SGCD: variants seen among roughly 807,000 people sequenced by gnomAD.
SGCD encodes the protein delta-sarcoglycan.
Under a neutral mutation model 36.6 loss-of-function variants are expected in SGCD, and 18 were observed. That is an observed-to-expected ratio of 0.49 (90% CI 0.34 to 0.73). The LOEUF (loss-of-function observed/expected upper bound fraction) is 0.73, where lower values mean the gene tolerates loss of function less well. SGCD is among the 30% of genes least tolerant of loss of function. The pLI, the probability that SGCD is intolerant of heterozygous loss-of-function variation, is 0.01. For synonymous variants in SGCD, 133 were observed against 130.6 expected (o/e 1.02, Z -0.12); for missense variants, 387 against 346.7 (o/e 1.12, Z -0.92).
At chr5:155,763,708 G>T in the SGCD span, among the ~76,000 whole-genome samples, 1 of 152,078 alleles carries the variant, frequency 6.6e-6, no homozygotes, top group Non-Finnish European at 1.5e-5. Flanking sequence ...GTTGATATTG[G>T]AATTTCTCCA....
the SGCD span, among the ~76,000 whole-genome samples, chr5:155,788,859 C>T: frequency 3.9e-5 from 6 of 151,972 alleles, no homozygotes; most frequent in African/African-American, 4.8e-5. Context: ...AGATCAAGAA[C>T]GATTTTAATG....
At chr5:156,116,108 C>T (rs931010160) in intron 1 of SGCD, among the ~76,000 whole-genome samples, 2 of 151,962 alleles carry the variant, frequency 1.3e-5, no homozygotes, top group African/African-American at 4.8e-5. Flanking sequence ...CAAATGGAAA[C>T]TTTTATCAGT....
intron 1 of SGCD, among the ~76,000 whole-genome samples, chr5:156,059,074 C>T (rs1346987610): frequency 6.9e-6 from 1 of 143,984 alleles, no homozygotes; most frequent in African/African-American, 2.5e-5. Context: ...TCATAATTTT[C>T]AAATTTCTAC....
the SGCD span, among the ~76,000 whole-genome samples, chr5:155,854,950 C>T: frequency 6.6e-6 from 1 of 152,066 alleles, no homozygotes. Context: ...AACGGCCTAC[C>T]CAAGTCAACT....
At chr5:155,799,138 A>G in the SGCD span, among the ~76,000 whole-genome samples, 134,174 of 152,182 alleles carry the variant, frequency 0.88, 59,236 homozygotes, top group East Asian at 0.99. Flanking sequence ...TTTTTCTTAC[A>G]TATTAAATAA....
intron 3 of SGCD, among the ~76,000 whole-genome samples, chr5:156,383,362 G>A (rs151208532): frequency 4.7e-4 from 72 of 152,142 alleles, no homozygotes; most frequent in African/African-American, 1.5e-3. Context: ...AAATTACCCG[G>A]GCGTGCAGCA....
At chr5:156,277,756 T>C (rs376820230) in intron 3 of SGCD, among the ~76,000 whole-genome samples, 2 of 152,222 alleles carry the variant, frequency 1.3e-5, no homozygotes, top group African/African-American at 4.8e-5. Context: ...CAAACTAGCC[T>C]TTCCCGTTAT....
At chr5:156,615,632 T>G (rs1761990710) in intron 6 of SGCD, among the ~76,000 whole-genome samples, 1 of 152,186 alleles carries the variant, frequency 6.6e-6, no homozygotes, top group South Asian at 2.1e-4. Context: ...TCATATGTAT[T>G]GTATATGATA....
chr5:156,576,730 A>G (rs77615130), intron 4 of SGCD, among the ~76,000 whole-genome samples: 1 of 152,126 alleles, frequency 6.6e-6, no homozygotes, highest in Non-Finnish European at 1.5e-5. Flanking sequence ...CTTCTTTTGA[A>G]AAGTGTCTGT....
chr5:156,648,022 G>A (rs374273308), intron 7 of SGCD, among the ~76,000 whole-genome samples: 2 of 152,228 alleles, frequency 1.3e-5, no homozygotes, highest in East Asian at 1.9e-4. Flanking sequence ...TAAATGTGCT[G>A]CCTTAGCAGA....
chr5:156,152,843 A>G (rs1397840456), intron 3 of SGCD, among the ~76,000 whole-genome samples: 1 of 151,562 alleles, frequency 6.6e-6, no homozygotes, highest in Non-Finnish European at 1.5e-5. Context: ...TTGACCAATC[A>G]ATCAATATGT....
intron 1 of SGCD, among the ~76,000 whole-genome samples, chr5:156,032,706 CAAAAAAAAAAAA>C (rs1171072619): frequency 0.056 from 846 of 15,064 alleles, 28 homozygotes; most frequent in African/African-American, 0.12. Flanking sequence ...GACTCCGTCT[CAAAAAAAAAAAA>C]AAAAAAAAAA....
At chr5:155,921,962 C>T (rs1017431882) in intron 1 of SGCD, among the ~76,000 whole-genome samples, 2 of 152,190 alleles carry the variant, frequency 1.3e-5, no homozygotes, top group Admixed American at 6.5e-5. Context: ...ACTAGAGACA[C>T]GTACTCTGGA....
intron 1 of SGCD, among the ~76,000 whole-genome samples, chr5:155,882,249 A>T (rs540141343): frequency 3.6e-4 from 55 of 150,780 alleles, no homozygotes; most frequent in African/African-American, 6.2e-4. Context: ...CTTTTTTTTA[A>T]AAAACTTTTT....
chr5:156,560,323 GC>G (rs1266290949), intron 4 of SGCD, among the ~76,000 whole-genome samples: 1 of 152,170 alleles, frequency 6.6e-6, no homozygotes, highest in African/African-American at 2.4e-5. Flanking sequence ...CCCCTTGAAA[GC>G]AGAAAAGCCC....
chr5:156,625,880 A>G (rs765737852), intron 6 of SGCD, among the ~76,000 whole-genome samples: 1 of 152,128 alleles, frequency 6.6e-6, no homozygotes, highest in East Asian at 1.9e-4. Context: ...AATTCTGAGG[A>G]TGGGGTTAGT....
intron 3 of SGCD, among the ~76,000 whole-genome samples, chr5:156,409,431 C>T (rs572553760): frequency 7.2e-5 from 11 of 152,332 alleles, no homozygotes; most frequent in East Asian, 3.9e-4. Context: ...AGATCGCCCA[C>T]GCATCAGACC....
At chr5:156,376,627 G>A (rs1051297556) in intron 3 of SGCD, among the ~76,000 whole-genome samples, 3 of 152,114 alleles carry the variant, frequency 2.0e-5, no homozygotes, top group Non-Finnish European at 4.4e-5. Flanking sequence ...GATCAGAGTA[G>A]AATAAAATGG....
At chr5:156,124,822 G>T (rs1296091879) in intron 3 of SGCD, among the ~76,000 whole-genome samples, 1 of 151,992 alleles carries the variant, frequency 6.6e-6, no homozygotes, top group Non-Finnish European at 1.5e-5. Context: ...AGTCTGTATT[G>T]TGAGTCAGGC....
Sources: gnomAD v4.1 joint callset for allele counts (sites outside exome capture counted in the v4.1 genomes callset) on GRCh38, gnomAD v4.1.1 for gene constraint, MANE v1.5 for transcripts, NCBI Gene and HGNC (gene_info 2026-07-23, HGNC 2026-07-21) for gene names.